PCDHGC4: variants seen among roughly 807,000 people sequenced by gnomAD.
PCDHGC4 encodes protocadherin gamma subfamily C, 4.
Under a neutral mutation model 59.7 loss-of-function variants are expected in PCDHGC4, and 15 were observed. The ratio of observed to expected loss-of-function variants is 0.25; its 90% CI spans 0.17 to 0.39. The LOEUF is 0.39. Ranked by LOEUF, PCDHGC4 falls within the 10% of genes least tolerant of loss-of-function variation. The pLI is 1.00. For missense variants in PCDHGC4, 1,016 were observed against 1,189.5 expected, an observed-to-expected ratio of 0.85 and a Z score of 2.15; for synonymous variants, 434 against 481.4, an observed-to-expected ratio of 0.90 and a Z score of 1.29.
rs753473913 is a variant in PCDHGC4 at position 141,503,323 on chromosome 5, G to A, written c.2502-2070G>A. On this transcript the variant is annotated intron_variant, in intron 2 of 3. Transcript: ENST00000306593. The stretch of plus-strand genomic sequence containing the variant: ...CTCAAGAAAGAATTGTTGGAGGGGC[G>A]CGGTGGCTCACGCCTGTAATTCCAG... Among the ~76,000 whole-genome samples the A allele has an allele frequency of 2.0e-5, 3 of 152,214 alleles. No individual in the cohort carries two copies. In the Middle Eastern group the frequency reaches 0.01, roughly 518 times the overall value.
Position 141,489,263 on chromosome 5 carries a change from A to G in PCDHGC4, c.2442+1648A>G. The G allele has an allele frequency of 6.4e-7, 1 of 1,552,104 alleles. No homozygotes were observed. Among genetic ancestry groups the G allele is most frequent in the South Asian group, 1.3e-5 (1 of 79,626 alleles). On this transcript the variant is annotated intron_variant, in intron 1 of 3. Transcript: ENST00000306593. This position sits in a 1 kb window ranked among gnomAD's most constrained non-coding sequence, Gnocchi z 4.5. ...GTCATGGGGCCCAAGACACTCCCAC[A>G]GCTCGCTGGGAAATGGCAAGTGCTG...
Position 141,506,445 on chromosome 5 carries a change from A to T in PCDHGC4, c.2590+964A>T, listed in dbSNP as rs1018306383. 3.8e-3 allele frequency among the ~76,000 whole-genome samples: 112 copies of T among 29,226 alleles called. No individual in the cohort carries two copies. The Middle Eastern group carries it at 0.08, about 21-fold the overall frequency. The allele number at this position is 29,226 out of a possible 152,430, so 19.2% of individuals were successfully genotyped here. ...CTGGGCAACAGTCTCGCTCTGTCTC[A>T]AAAAAAAAAAAAAAAAAAAAGAGCA... On this transcript the variant is annotated intron_variant, in intron 3 of 3. Transcript: ENST00000306593.
Position 141,486,170 on chromosome 5 carries a change from C to A in PCDHGC4, c.997C>A (p.His333Asn). ...RDGGSPAMEQ[H>N]CSLRVDLLDV... ...TGGGGGTTCTCCAGCCATGGAGCAACATTGCAGCCTTCGAGTGGATCTGCT... is the reference window on the plus strand; with the variant it reads ...TGGGGGTTCTCCAGCCATGGAGCAAAATTGCAGCCTTCGAGTGGATCTGCT... Residue 333 changes from histidine (H) to asparagine (N), a missense_variant, in exon 1 of 4, where the codon CAT (histidine) becomes AAT (asparagine). By Grantham distance (68) the His-to-Asn change is moderately conservative. Coordinates refer to ENST00000306593, the MANE Select transcript of PCDHGC4 (RefSeq NM_018928.3). This position sits in a 1 kb window ranked among gnomAD's most constrained non-coding sequence, Gnocchi z 5.0. 6.2e-7 allele frequency: 1 copy of A among 1,614,234 alleles called. No homozygotes were observed. Among genetic ancestry groups the A allele is most frequent in the African/African-American group, 1.3e-5 (1 of 75,052 alleles).
intron 2 of PCDHGC4, among the ~76,000 whole-genome samples, chr5:141,496,538 T>G (rs568286018): frequency 1.5e-4 from 23 of 152,266 alleles, no homozygotes; most frequent in African/African-American, 5.5e-4. Flanking sequence ...TGGCAGAGAT[T>G]CCAGCTTCTG....
At position 141,485,149 on chromosome 5, in the gene PCDHGC4, A is replaced by G; in HGVS notation, c.-25A>G. 6.3e-7 allele frequency: 1 copy of G among 1,578,106 alleles called. No individual in the cohort carries two copies. Among genetic ancestry groups the G allele is most frequent in the South Asian group, 1.1e-5 (1 of 89,070 alleles). ...CGGCTTCATCCGCGTCTCAGGAGCA[A>G]GTAGAGAATTAGCGGGCGGCAGCAA... On this transcript the variant is annotated 5_prime_UTR_variant, in exon 1 of 4. Transcript: ENST00000306593. This position sits in a 1 kb window ranked among gnomAD's most constrained non-coding sequence, Gnocchi z 5.7.
In PCDHGC4 at chr5:141,511,999, C is replaced by G. The variant is rs1049440139; in HGVS notation, c.*826C>G. ...GTGGATGGTGGGGGCATGGACAAAG[C>G]TTGACACATCAAGTTATCAAGGCCT... is the stretch of plus-strand genomic sequence containing the variant. On this transcript the variant is annotated 3_prime_UTR_variant, in exon 4 of 4. Coordinates refer to ENST00000306593, the MANE Select transcript of PCDHGC4 (RefSeq NM_018928.3). 6.5e-6 allele frequency: 1 copy of G among 153,016 alleles called. No individual in the cohort carries two copies. Among genetic ancestry groups the G allele is most frequent in the Non-Finnish European group, 1.5e-5 (1 of 68,392 alleles). The allele number at this position is 153,016 out of a possible 1,614,324, so 9.5% of individuals were successfully genotyped here. A position where few individuals can be genotyped will look rare whatever the true frequency, so the allele number is the denominator to read the frequency against.
At chr5:141,508,440 T>C (rs2099868879) in intron 3 of PCDHGC4, among the ~76,000 whole-genome samples, 1 of 152,186 alleles carries the variant, frequency 6.6e-6, no homozygotes, top group African/African-American at 2.4e-5. Context: ...CACAGTTCCT[T>C]AGTGGCAGAG....
rs769607720 is a variant in PCDHGC4 at position 141,489,346 on chromosome 5, G to A, written c.2442+1731G>A. 4 of 1,611,652 alleles carry A rather than the reference G, an allele frequency of 2.5e-6. No individual in the cohort carries two copies. The highest frequency in any genetic ancestry group is 3.4e-6 in the Non-Finnish European group (4 of 1,178,446). On this transcript the variant is annotated intron_variant, in intron 1 of 3. Transcript: ENST00000306593. The surrounding 1 kb of genome is among the most constrained non-coding windows in gnomAD (Gnocchi z 4.5). Reference sequence around the variant, plus strand: ...GTCTGGGCAGCTTCGTTACTCAGTGGTGGAGGAGTCTGAGCCGGGGACGCT... The same window carrying A: ...GTCTGGGCAGCTTCGTTACTCAGTGATGGAGGAGTCTGAGCCGGGGACGCT...
chr5:141,504,228 C>T lies in PCDHGC4; in HGVS notation c.2502-1165C>T, dbSNP rs114896014. Among the ~76,000 whole-genome samples, 193 of 152,312 alleles carry T rather than the reference C, an allele frequency of 1.3e-3. 1 individual carries two copies. The highest frequency in any genetic ancestry group is 2.1e-3 in the Admixed American group (32 of 15,304). ...AAAATTCCAAGTAGAGCTGAACCTT[C>T]TAAGAAGCAGAGAGTTCTTCTTATG... On this transcript the variant is annotated intron_variant, in intron 2 of 3. Coordinates refer to ENST00000306593, the MANE Select transcript of PCDHGC4 (RefSeq NM_018928.3).
At position 141,493,666 on chromosome 5, in the gene PCDHGC4, C is replaced by T. The variant is rs1475584876; in HGVS notation, c.2443-1141C>T. On this transcript the variant is annotated intron_variant, in intron 1 of 3. Transcript: ENST00000306593. The surrounding 1 kb of genome is among the most constrained non-coding windows in gnomAD (Gnocchi z 4.3). ...GCCATCCCTGTGCCCTTCTCCATGG[C>T]AGCCCCAGAATGGTGCTGGTGACTC... 6.6e-6 allele frequency among the ~76,000 whole-genome samples: 1 copy of T among 152,176 alleles called. No individual in the cohort carries two copies. The highest frequency in any genetic ancestry group is 1.5e-5 in the Non-Finnish European group (1 of 68,028).
Position 141,490,652 on chromosome 5 carries a change from C to T in PCDHGC4, c.2442+3037C>T, listed in dbSNP as rs1277273880. The T allele has an allele frequency of 1.2e-6, 2 of 1,614,208 alleles. No individual in the cohort carries two copies. The highest frequency in any genetic ancestry group is 1.7e-6 in the Non-Finnish European group (2 of 1,180,026). On this transcript the variant is annotated intron_variant, in intron 1 of 3. Coordinates refer to ENST00000306593, the MANE Select transcript of PCDHGC4 (RefSeq NM_018928.3). The surrounding 1 kb of genome is among the most constrained non-coding windows in gnomAD (Gnocchi z 5.4). ...ATCCTAGAAAACCGGCCTCCGGGCT[C>T]CCTTCTTTGCACTGTGGCTGCCTCA...
Position 141,493,858 on chromosome 5 carries a change from C to A in PCDHGC4, c.2443-949C>A, listed in dbSNP as rs2099750481. Among the ~76,000 whole-genome samples, 1 of 152,184 alleles carries A rather than the reference C, an allele frequency of 6.6e-6. No homozygotes were observed. The highest frequency in any genetic ancestry group is 1.5e-5 in the Non-Finnish European group (1 of 68,030). On this transcript the variant is annotated intron_variant, in intron 1 of 3. Transcript: ENST00000306593. The surrounding 1 kb of genome is among the most constrained non-coding windows in gnomAD (Gnocchi z 4.3). ...AGTATGAGTATTAATTACCAGCCCA[C>A]CCCAGAACCAGTGAGGAGGTGGCTC...
At chr5:141,499,300 C>G (rs2154592463) in intron 2 of PCDHGC4, among the ~76,000 whole-genome samples, 1 of 152,292 alleles carries the variant, frequency 6.6e-6, no homozygotes, top group South Asian at 2.1e-4. Context: ...ACTACCATCC[C>G]TCCTCTGAGA....
chr5:141,487,297 C>A lies in PCDHGC4; in HGVS notation c.2124C>A (p.Phe708Leu). ...TTTGCTTTGTCTCCTTTGGCTCATT[C>A]GTGGCACTACTCTCTAAGTGTCTTC... is the stretch of plus-strand genomic sequence containing the variant. ...VAICFVSFGS[F>L]VALLSKCLRG... The change falls in exon 1 of 4, where the codon TTC (phenylalanine) becomes TTA (leucine). Residue 708 changes from phenylalanine (F) to leucine (L), a missense_variant. By Grantham distance (22) the Phe-to-Leu change is conservative. Transcript: ENST00000306593. This position sits in a 1 kb window ranked among gnomAD's most constrained non-coding sequence, Gnocchi z 5.0. 1 of 1,614,102 alleles carries A rather than the reference C, an allele frequency of 6.2e-7. No homozygotes were observed. The highest frequency in any genetic ancestry group is 8.5e-7 in the Non-Finnish European group (1 of 1,180,002).
intron 1 of PCDHGC4, among the ~76,000 whole-genome samples, chr5:141,494,341 G>C (rs565090556): frequency 9.2e-5 from 14 of 152,352 alleles, no homozygotes; most frequent in Admixed American, 9.1e-4. Context: ...ACCAAGAACA[G>C]CAGCCATCTT....
At chr5:141,504,303 G>A (rs1157625808) in intron 2 of PCDHGC4, among the ~76,000 whole-genome samples, 4 of 151,938 alleles carry the variant, frequency 2.6e-5, no homozygotes, top group Admixed American at 2.6e-4. Context: ...TTCAACACTC[G>A]GAGTTTCTAA....
In PCDHGC4 at chr5:141,511,125, A is replaced by T. The variant is rs755685600; in HGVS notation, c.2769A>T (p.Ala923=). Residue 923 remains alanine, a synonymous_variant, in exon 4 of 4, where the codon GCA becomes GCT. Transcript: ENST00000306593. ...GCAAGCGGGATGGCAAGGCCCCAGCAGGTGGCAATGGCAACAAGAAGAAGT... is the reference window on the plus strand; with the variant it reads ...GCAAGCGGGATGGCAAGGCCCCAGCTGGTGGCAATGGCAACAAGAAGAAGT... ...AAGKRDGKAP[A]GGNGNKKKSG... 2 of 1,614,216 alleles carry T rather than the reference A, an allele frequency of 1.2e-6. No individual in the cohort carries two copies. The highest frequency in any genetic ancestry group is 2.2e-5 in the South Asian group (2 of 91,092).
At position 141,487,603 on chromosome 5, in the gene PCDHGC4, C is replaced by T; in HGVS notation, c.2430C>T (p.Leu810=). The part of the protein sequence containing the change: ...VRPSCPPSDL[L]YGLEQAPPNT... The stretch of plus-strand genomic sequence containing the variant: ...CAAGCTGCCCACCCTCTGATCTTCT[C>T]TATGGGCTAGAGGTGAGACCTTTGC... Residue 810 remains leucine (L), a synonymous_variant, in exon 1 of 4, where the codon CTC becomes CTT. Transcript: ENST00000306593. This position sits in a 1 kb window ranked among gnomAD's most constrained non-coding sequence, Gnocchi z 5.0. 1.2e-6 allele frequency: 2 copies of T among 1,614,214 alleles called. No individual in the cohort carries two copies. Among genetic ancestry groups the T allele is most frequent in the Non-Finnish European group, 1.7e-6 (2 of 1,180,042 alleles).
Position 141,485,411 on chromosome 5 carries a change from G to C in PCDHGC4, c.238G>C (p.Asp80His), listed in dbSNP as rs1412397411. Residue 80 changes from aspartate to histidine, a missense_variant, in exon 1 of 4, where the codon GAC becomes CAC. Coordinates refer to ENST00000306593, the MANE Select transcript of PCDHGC4 (RefSeq NM_018928.3). This position sits in a 1 kb window ranked among gnomAD's most constrained non-coding sequence, Gnocchi z 5.7. The stretch of plus-strand genomic sequence containing the variant: ...CCAAAGACACTTCCGTGTGGATTTG[G>C]ACAGCGGAGCCCTGCTCATCAAGAA... ...VNQRHFRVDLDSGALLIKNPI... is the reference protein window; with the variant it reads ...VNQRHFRVDLHSGALLIKNPI... The C allele has an allele frequency of 2.5e-6, 4 of 1,614,054 alleles. No homozygotes were observed. Among genetic ancestry groups the C allele is most frequent in the Non-Finnish European group, 3.4e-6 (4 of 1,180,044 alleles).
Sources: allele counts gnomAD v4.1 joint callset (sites outside exome capture counted in the v4.1 genomes callset), GRCh38; gene constraint gnomAD v4.1.1; non-coding constraint Gnocchi (gnomAD v3.1); transcripts MANE v1.5; gene names NCBI Gene and HGNC (gene_info 2026-07-23, HGNC 2026-07-21).